Variants in C8orf34 observed in about 807,000 individuals in gnomAD.
The protein encoded by C8orf34 is uncharacterized protein C8orf34.
Under a neutral mutation model 68.3 loss-of-function variants are expected in C8orf34, and 65 were observed. The ratio of observed to expected loss-of-function variants is 0.95; its 90% CI spans 0.78 to 1.17. The LOEUF is 1.17. Among genes scored for constraint, C8orf34 ranks in the 50% most tolerant of loss-of-function variants. The pLI, the probability that C8orf34 is intolerant of heterozygous loss-of-function variation, is 0.00. For synonymous variants in C8orf34, 244 were observed against 241.2 expected, an observed-to-expected ratio of 1.01 and a Z score of -0.11; for missense variants, 664 against 655.4, an observed-to-expected ratio of 1.01 and a Z score of -0.14.
intron 1 of C8orf34, among the ~76,000 whole-genome samples, chr8:68,419,469 C>T (rs1357452939): frequency 2.6e-5 from 4 of 151,464 alleles, no homozygotes; most frequent in Admixed American, 1.3e-4. Flanking sequence ...CCAGCCATCC[C>T]ATTACTGGGT....
chr8:68,526,395 A>G (rs1236212810), intron 6 of C8orf34, among the ~76,000 whole-genome samples: 2 of 152,170 alleles, frequency 1.3e-5, no homozygotes, highest in Non-Finnish European at 2.9e-5. Context: ...GTAATGTGCT[A>G]GATACTGGAT....
chr8:68,703,977 A>G (rs1326008231), intron 8 of C8orf34, among the ~76,000 whole-genome samples: 1 of 152,134 alleles, frequency 6.6e-6, no homozygotes, highest in Non-Finnish European at 1.5e-5. Context: ...TCTATACAAA[A>G]TCCCCAATAT....
At chr8:68,568,337 C>T (rs1300407181) in intron 7 of C8orf34, among the ~76,000 whole-genome samples, 1 of 152,136 alleles carries the variant, frequency 6.6e-6, no homozygotes, top group Non-Finnish European at 1.5e-5. Context: ...TCTTGGCTTT[C>T]CCTGTGTCTC....
At chr8:68,791,053 C>T in intron 12 of C8orf34, 1 of 586,368 alleles carries the variant, frequency 1.7e-6, no homozygotes, top group Non-Finnish European at 3.0e-6. Context: ...AAAAGGAAGG[C>T]TAAAATTTGA....
chr8:68,789,031 T>C (rs1441069713), intron 12 of C8orf34, among the ~76,000 whole-genome samples: 1 of 152,146 alleles, frequency 6.6e-6, no homozygotes, highest in East Asian at 1.9e-4. Flanking sequence ...GTGAAAGTAT[T>C]AATAGTGCTC....
intron 10 of C8orf34, among the ~76,000 whole-genome samples, chr8:68,748,186 T>G (rs1250881447): frequency 3.9e-5 from 5 of 129,312 alleles, no homozygotes; most frequent in South Asian, 4.8e-4. Context: ...TAGCCATATG[T>G]AGAAAGCTGA....
At chr8:68,417,788 G>C (rs1809742218) in intron 1 of C8orf34, among the ~76,000 whole-genome samples, 1 of 151,966 alleles carries the variant, frequency 6.6e-6, no homozygotes, top group Admixed American at 6.6e-5. Context: ...CTCTTTTTTG[G>C]TTCCATATGA....
At chr8:68,330,888 C>A, upstream of C8orf34, 1 of 808,664 alleles carries the variant, frequency 1.2e-6, no homozygotes, top group Non-Finnish European at 1.8e-6. Context: ...ACACAGCTCG[C>A]CTCCCGCCCC....
At chr8:68,752,585 A>C (rs903705324) in intron 10 of C8orf34, among the ~76,000 whole-genome samples, 2 of 152,204 alleles carry the variant, frequency 1.3e-5, no homozygotes, top group African/African-American at 4.8e-5. Context: ...TCCCACTGAT[A>C]CTAAGAATTC....
chr8:68,400,493 T>C (rs1272982007), intron 1 of C8orf34, among the ~76,000 whole-genome samples: 15 of 152,230 alleles, frequency 9.9e-5, no homozygotes, highest in African/African-American at 3.6e-4. Flanking sequence ...CAAAAATTAG[T>C]TGGTTGTATG....
intron 1 of C8orf34, among the ~76,000 whole-genome samples, chr8:68,356,357 G>T (rs927169705): frequency 3.3e-5 from 5 of 151,798 alleles, no homozygotes; most frequent in African/African-American, 1.2e-4. Flanking sequence ...TATTTATTGG[G>T]TACTATATTA....
chr8:68,413,813 T>C (rs1809547027), intron 1 of C8orf34, among the ~76,000 whole-genome samples: 1 of 152,196 alleles, frequency 6.6e-6, no homozygotes, highest in Non-Finnish European at 1.5e-5. Context: ...CTTTATATAG[T>C]AGCCTGGACA....
chr8:68,749,219 A>G (rs1049884152), intron 10 of C8orf34, among the ~76,000 whole-genome samples: 13 of 150,414 alleles, frequency 8.6e-5, no homozygotes, highest in African/African-American at 2.9e-4. Context: ...GGGGAACATC[A>G]CACTCTGGGG....
chr8:68,638,026 G>A (rs541178181), intron 7 of C8orf34, among the ~76,000 whole-genome samples: 1 of 152,032 alleles, frequency 6.6e-6, no homozygotes, highest in Non-Finnish European at 1.5e-5. Flanking sequence ...AACTACCAGG[G>A]GTCTTTAGAA....
At chr8:68,631,253 C>T (rs757935173) in intron 7 of C8orf34, among the ~76,000 whole-genome samples, 2 of 151,736 alleles carry the variant, frequency 1.3e-5, no homozygotes, top group East Asian at 3.9e-4. Context: ...GAGAGCAAGA[C>T]TCTATCTCAA....
At chr8:68,782,364 A>C (rs2129528810) in intron 11 of C8orf34, among the ~76,000 whole-genome samples, 1 of 152,286 alleles carries the variant, frequency 6.6e-6, no homozygotes, top group Non-Finnish European at 1.5e-5. Flanking sequence ...ATTTAAAAAA[A>C]AGCAAGTTAA....
At position 68,487,782 on chromosome 8, in the gene C8orf34, G is replaced by A. The variant is rs145014910; in HGVS notation, c.737-241G>A. On this transcript the variant is annotated intron_variant, in intron 4 of 13. Coordinates refer to ENST00000518698, the MANE Select transcript of C8orf34 (RefSeq NM_052958.4). ...AACCACCTGCAAGGAATATGGCGCT[G>A]CTTTGTTTTTGTTGCATCATTTGCA... 1.7e-3 allele frequency among the ~76,000 whole-genome samples: 260 copies of A among 152,326 alleles called. 2 individuals are homozygous for A. The highest frequency in any genetic ancestry group is 6.1e-3 in the African/African-American group (252 of 41,568).
intron 1 of C8orf34, among the ~76,000 whole-genome samples, chr8:68,349,682 T>A (rs905718157): frequency 5.3e-5 from 8 of 151,930 alleles, no homozygotes; most frequent in Non-Finnish European, 1.0e-4. Context: ...AGGGAATCGA[T>A]TTCTCCCTTG....
At chr8:68,811,250 GC>G (rs1824641978) in intron 12 of C8orf34, among the ~76,000 whole-genome samples, 1 of 152,236 alleles carries the variant, frequency 6.6e-6, no homozygotes, top group Admixed American at 6.5e-5. Flanking sequence ...TTGTGACAGT[GC>G]CTGAACTGAG....
Sources: gnomAD v4.1 joint callset for allele counts (sites outside exome capture counted in the v4.1 genomes callset) on GRCh38, gnomAD v4.1.1 for gene constraint, MANE v1.5 for transcripts, NCBI Gene and HGNC (gene_info 2026-07-23, HGNC 2026-07-21) for gene names.